Variants in CFAP43 observed in about 807,000 individuals in gnomAD.
The protein encoded by CFAP43 is cilia and flagella associated protein 43, also known as cilia- and flagella-associated protein 43.
A neutral mutation model predicts 218.9 loss-of-function variants in CFAP43; 155 were observed. The observed-to-expected ratio is 0.71, with a 90% CI of 0.62 to 0.81. The LOEUF is 0.81. CFAP43 is among the 30% of genes least tolerant of loss of function. CFAP43 has a pLI of 0.00. For missense variants in CFAP43, 1,778 were observed against 1,954.3 expected (o/e 0.91, Z 1.70); for synonymous variants, 645 against 681.3 (o/e 0.95, Z 0.83).
intron 30 of CFAP43, 107 bp downstream of exon 30, chr10:104,146,156 G>T: frequency 1.2e-6 from 1 of 840,706 alleles, no homozygotes. Flanking sequence ...GAATTAAGTG[G>T]GAGAAAAATC....
At chr10:104,187,216 C>A in intron 14 of CFAP43, 104 bp downstream of exon 14, 1 of 888,034 alleles carries the variant, frequency 1.1e-6, no homozygotes, top group South Asian at 4.5e-5. Context: ...CATTTGTTAA[C>A]TGAACTATTC....
chr10:104,130,834 C>T (rs2087146742), intron 37 of CFAP43, among the ~76,000 whole-genome samples: 1 of 151,620 alleles, frequency 6.6e-6, no homozygotes, highest in Non-Finnish European at 1.5e-5. Context: ...CTACTCTCTA[C>T]AAAACATACA....
rs1361552835 is a variant in CFAP43 at position 104,152,851 on chromosome 10, T to C, written c.3541-125A>G. ...AGCCCTTGCAAGGTGTTCTGGGCTC[T>C]GTACTCTCTTAAACCAGAGATGCTC... On this transcript the variant is annotated intron_variant, in intron 27 of 37. Transcript: ENST00000357060. The C allele has an allele frequency of 4.1e-6, 4 of 977,046 alleles. No homozygotes were observed. In the African/African-American group the frequency reaches 4.9e-5, roughly 12 times the overall value. The allele number at this position is 977,046 out of a possible 1,614,324, so 60.5% of individuals were successfully genotyped here.
intron 27 of CFAP43, among the ~76,000 whole-genome samples, chr10:104,160,737 G>A (rs2088827577): frequency 1.3e-5 from 2 of 152,170 alleles, no homozygotes; most frequent in South Asian, 4.1e-4. Flanking sequence ...TGAACATGTT[G>A]TATTAGGGGT....
At chr10:104,229,924 G>A (rs2091406062) in intron 2 of CFAP43, among the ~76,000 whole-genome samples, 1 of 152,098 alleles carries the variant, frequency 6.6e-6, no homozygotes, top group Admixed American at 6.5e-5. Flanking sequence ...TCTGAAAAAG[G>A]CAATAGTCTT....
Position 104,179,886 on chromosome 10 carries a change from G to T in CFAP43, c.2336C>A (p.Thr779Asn), listed in dbSNP as rs191587102. 3.7e-6 allele frequency: 6 copies of T among 1,613,598 alleles called. No homozygotes were observed. The East Asian group carries it at 1.3e-4, about 36-fold the overall frequency. ...CCAAGGAATTTCCTTCTTAACATCGGTTAGAACTAATTCATCTTGTGATAA... is the reference window on the plus strand; with the variant it reads ...CCAAGGAATTTCCTTCTTAACATCGTTTAGAACTAATTCATCTTGTGATAA... ...TDLSQDELVL[T>N]DVKKEIPWIQ... The change falls in exon 18 of 38, where the codon ACC (threonine) becomes AAC (asparagine). Residue 779 changes from threonine to asparagine, a missense_variant. Transcript: ENST00000357060.
At chr10:104,217,365 T>C (rs2091044420) in intron 3 of CFAP43, among the ~76,000 whole-genome samples, 2 of 152,160 alleles carry the variant, frequency 1.3e-5, no homozygotes, top group Non-Finnish European at 2.9e-5. Flanking sequence ...TTTCTTTCTT[T>C]TTGAAATATC....
intron 34 of CFAP43, among the ~76,000 whole-genome samples, chr10:104,139,798 A>G (rs924191438): frequency 6.6e-6 from 1 of 152,210 alleles, no homozygotes; most frequent in Non-Finnish European, 1.5e-5. Flanking sequence ...TGAAATAAAG[A>G]TCTTTTGAAA....
intron 34 of CFAP43, among the ~76,000 whole-genome samples, chr10:104,137,204 G>T (rs932605393): frequency 6.6e-6 from 1 of 152,102 alleles, no homozygotes; most frequent in Non-Finnish European, 1.5e-5. Context: ...CCAAAAGGTG[G>T]AAATAGCCCA....
chr10:104,147,998 C>T lies in CFAP43; in HGVS notation c.3661G>A (p.Glu1221Lys). ...RVKAEMVTNQ[E>K]ELKISNLAFS... ...GCAAGGTTACTTATTTTCAGTTCCT[C>T]CTGTAGAAATATTTAAGAAAAAGGT... The change falls in exon 29 of 38, where the codon GAG (glutamate) becomes AAG (lysine). Residue 1221 changes from glutamate (E) to lysine (K), a missense_variant and splice_region_variant. Glu to Lys is a moderately conservative substitution (Grantham distance 56, BLOSUM62 1). This residue lies in a region of CFAP43 where 1,553 missense variants were observed against 1,685.2 expected (regional missense o/e 0.92). Transcript: ENST00000357060. 6.4e-7 allele frequency: 1 copy of T among 1,559,218 alleles called. No individual in the cohort carries two copies. The highest frequency in any genetic ancestry group is 8.7e-7 in the Non-Finnish European group (1 of 1,149,890).
chr10:104,193,740 G>T, intron 11 of CFAP43, 126 bp downstream of exon 11: 3 of 1,285,062 alleles, frequency 2.3e-6, no homozygotes, highest in South Asian at 3.1e-5. Flanking sequence ...TGAACTGTGT[G>T]AATATATTAA....
intron 5 of CFAP43, among the ~76,000 whole-genome samples, chr10:104,208,393 T>C (rs1339829849): frequency 6.6e-6 from 1 of 152,222 alleles, no homozygotes; most frequent in Non-Finnish European, 1.5e-5. Context: ...GATTAAAATT[T>C]GAAATTTTCT....
chr10:104,225,491 G>C lies in CFAP43; in HGVS notation c.386C>G (p.Ser129Cys). The stretch of plus-strand genomic sequence containing the variant: ...GGCCAGTTCAAATTCTGGGAGAGAG[G>C]AGTAACTAGCCAGGTAGGTGCCACA... Reference protein sequence around the residue: ...SYCGTYLASYSSLPEFELALW... With the variant: ...SYCGTYLASYCSLPEFELALW... Residue 129 changes from serine to cysteine, a missense_variant, in exon 3 of 38, where the codon TCC becomes TGC. By Grantham distance (112) the Ser-to-Cys change is moderately radical. This residue lies in a region of CFAP43 where 1,553 missense variants were observed against 1,685.2 expected (regional missense o/e 0.92). Transcript: ENST00000357060. 1 of 1,612,690 alleles carries C rather than the reference G, an allele frequency of 6.2e-7. No homozygotes were observed. The highest frequency in any genetic ancestry group is 8.5e-7 in the Non-Finnish European group (1 of 1,179,166).
chr10:104,214,229 T>C (rs2090950629), intron 4 of CFAP43, 30 bp downstream of exon 4: 1 of 1,533,378 alleles, frequency 6.5e-7, no homozygotes, highest in African/African-American at 1.4e-5. Context: ...AAGACCACCA[T>C]GTTGCTACTG....
At chr10:104,216,393 C>A (rs2091012786) in intron 3 of CFAP43, among the ~76,000 whole-genome samples, 1 of 152,120 alleles carries the variant, frequency 6.6e-6, no homozygotes, top group Non-Finnish European at 1.5e-5. Flanking sequence ...GGCCCTTGAC[C>A]CCGTCTTCTG....
intron 3 of CFAP43, among the ~76,000 whole-genome samples, chr10:104,218,635 T>C (rs185606048): frequency 6.6e-6 from 1 of 152,208 alleles, no homozygotes; most frequent in East Asian, 1.9e-4. Flanking sequence ...TGCATCTTCC[T>C]ACTGTCACTT....
At chr10:104,176,824 A>C (rs888435480) in intron 19 of CFAP43, among the ~76,000 whole-genome samples, 3 of 151,782 alleles carry the variant, frequency 2.0e-5, no homozygotes, top group Non-Finnish European at 4.4e-5. Flanking sequence ...GGAATGAAAT[A>C]ACCTTCTCAT....
chr10:104,212,351 G>C (rs1310676095), intron 4 of CFAP43, among the ~76,000 whole-genome samples, 194 bp from the exon 5 acceptor site: 1 of 152,328 alleles, frequency 6.6e-6, no homozygotes, highest in Non-Finnish European at 1.5e-5. Context: ...TTTAAATTAA[G>C]TACTGAGGGA....
intron 12 of CFAP43, among the ~76,000 whole-genome samples, chr10:104,191,015 T>C (rs951549200): frequency 3.3e-5 from 5 of 151,960 alleles, no homozygotes; most frequent in African/African-American, 9.7e-5. Flanking sequence ...GGCTACCACA[T>C]AGTCAGGCAT....
Sources: allele counts gnomAD v4.1 joint callset (sites outside exome capture counted in the v4.1 genomes callset), GRCh38; gene constraint gnomAD v4.1.1; regional missense constraint gnomAD v4.1.1; transcripts MANE v1.5; gene names NCBI Gene and HGNC (gene_info 2026-07-23, HGNC 2026-07-21).